NEK7: variants seen among roughly 807,000 people sequenced by gnomAD.
NEK7 encodes the protein NIMA related kinase 7, also known as serine/threonine-protein kinase Nek7.
In NEK7, 18 loss-of-function variants were observed where a neutral mutation model predicts 44.6. That is an observed-to-expected ratio of 0.40 (90% CI 0.28 to 0.60). The LOEUF is 0.60. Among genes scored for constraint, NEK7 ranks in the 20% least tolerant of loss-of-function variants. The probability of loss-of-function intolerance (pLI) is 0.38; values close to 1 mark genes in which losing one functional copy is unlikely to be tolerated. For synonymous variants in NEK7, 130 were observed against 121.1 expected, an observed-to-expected ratio of 1.07 and a Z score of -0.48; for missense variants, 256 against 366.5, an observed-to-expected ratio of 0.70 and a Z score of 2.46.
At chr1:198,274,899 A>G (rs1653967947) in intron 5 of NEK7, among the ~76,000 whole-genome samples, 2 of 151,794 alleles carry the variant, frequency 1.3e-5, no homozygotes, top group African/African-American at 4.8e-5. Flanking sequence ...AGCTTGGATC[A>G]GCTATAGCCC....
chr1:198,189,632 T>A (rs1297174192), intron 1 of NEK7, among the ~76,000 whole-genome samples: 4 of 152,160 alleles, frequency 2.6e-5, no homozygotes, highest in African/African-American at 9.6e-5. Context: ...TGTTAAGGGC[T>A]TTTAAGATGA....
chr1:198,311,392 A>G (rs1655177325), intron 9 of NEK7, among the ~76,000 whole-genome samples: 1 of 152,036 alleles, frequency 6.6e-6, no homozygotes, highest in South Asian at 2.1e-4. Context: ...AACAGGGACA[A>G]TTTGACTTCC....
At chr1:198,258,741 C>G (rs1392514018) in intron 3 of NEK7, among the ~76,000 whole-genome samples, 1 of 152,158 alleles carries the variant, frequency 6.6e-6, no homozygotes, top group African/African-American at 2.4e-5. Context: ...ATCCCTTGCT[C>G]TTACCAAGTA....
chr1:198,200,116 C>G (rs144497001), intron 1 of NEK7, among the ~76,000 whole-genome samples: 122 of 152,244 alleles, frequency 8.0e-4, no homozygotes, highest in Non-Finnish European at 1.5e-3. Context: ...CATCTTTGAC[C>G]TATTAAAACC....
At chr1:198,162,072 G>A (rs1270476666) in intron 1 of NEK7, among the ~76,000 whole-genome samples, 3 of 152,134 alleles carry the variant, frequency 2.0e-5, no homozygotes, top group Non-Finnish European at 4.4e-5. Context: ...CTACAGTCAA[G>A]GTATGTTTGG....
At chr1:198,218,680 C>G (rs1665994638) in intron 1 of NEK7, among the ~76,000 whole-genome samples, 1 of 150,876 alleles carries the variant, frequency 6.6e-6, no homozygotes, top group African/African-American at 2.4e-5. Context: ...CAACAAAGGA[C>G]TGATATGCGG....
chr1:198,271,347 AAT>A (rs2102966851), intron 5 of NEK7, among the ~76,000 whole-genome samples: 1 of 152,096 alleles, frequency 6.6e-6, no homozygotes, highest in South Asian at 2.1e-4. Flanking sequence ...AGGACTTGAG[AAT>A]TTGGGGGAGT....
At chr1:198,213,873 C>T (rs1452877375) in intron 1 of NEK7, among the ~76,000 whole-genome samples, 1 of 152,170 alleles carries the variant, frequency 6.6e-6, no homozygotes, top group Non-Finnish European at 1.5e-5. Context: ...GCATGTCCTA[C>T]TAGCCTGAAG....
chr1:198,310,535 G>C (rs1422267039), intron 9 of NEK7, among the ~76,000 whole-genome samples: 1 of 138,302 alleles, frequency 7.2e-6, no homozygotes, highest in African/African-American at 2.7e-5. Context: ...TGTCCTGAAT[G>C]GTAACGCCTA....
chr1:198,298,370 C>CT (rs1558100710), intron 9 of NEK7, among the ~76,000 whole-genome samples: 1 of 152,050 alleles, frequency 6.6e-6, no homozygotes, highest in Non-Finnish European at 1.5e-5. Context: ...ATTTGTGTTC[C>CT]TAGAATATAA....
chr1:198,315,938 G>A (rs561094256), intron 9 of NEK7, among the ~76,000 whole-genome samples: 1 of 152,294 alleles, frequency 6.6e-6, no homozygotes, highest in Admixed American at 6.5e-5. Flanking sequence ...CATGTTGGTG[G>A]TTATTGAAGG....
At chr1:198,306,915 T>C (rs1655039100) in intron 9 of NEK7, among the ~76,000 whole-genome samples, 1 of 152,130 alleles carries the variant, frequency 6.6e-6, no homozygotes, top group Non-Finnish European at 1.5e-5. Flanking sequence ...TTACATCAAA[T>C]TCAGAATTCA....
chr1:198,165,670 C>T (rs1414208640), intron 1 of NEK7, among the ~76,000 whole-genome samples: 1 of 152,158 alleles, frequency 6.6e-6, no homozygotes, highest in African/African-American at 2.4e-5. Context: ...GTAGATTTAG[C>T]ATAATTCTTA....
rs1452424739 is a variant in NEK7 at position 198,319,440 on chromosome 1, A to G, written c.827A>G (p.Asn276Ser). ...ELRQLVNMCI[N>S]PDPEKRPDVT... Reference sequence around the variant, plus strand: ...CGACAGTTAGTTAATATGTGCATCAACCCAGATCCAGAGAAGCGACCAGAC... The same window carrying G: ...CGACAGTTAGTTAATATGTGCATCAGCCCAGATCCAGAGAAGCGACCAGAC... Residue 276 changes from asparagine to serine, a missense_variant, in exon 10 of 10, where the codon AAC (asparagine) becomes AGC (serine). Coordinates refer to ENST00000367385, the MANE Select transcript of NEK7 (RefSeq NM_133494.3). 3.7e-6 allele frequency: 6 copies of G among 1,612,884 alleles called. No homozygotes were observed. Among genetic ancestry groups the G allele is most frequent in the South Asian group, 1.1e-5 (1 of 90,988 alleles).
In NEK7 at chr1:198,251,152, C is replaced by G. The variant is rs566113424; in HGVS notation, c.58-1888C>G. Among the ~76,000 whole-genome samples the G allele has an allele frequency of 5.3e-3, 809 of 151,900 alleles. 9 individuals are homozygous for G. The highest frequency in any genetic ancestry group is 0.019 in the African/African-American group (766 of 41,382). ...ATTGAGATAATCATGTGGTTTTTGTCTTTGGTTCTGTTTATATGCTGGATT... is the reference window on the plus strand; with the variant it reads ...ATTGAGATAATCATGTGGTTTTTGTGTTTGGTTCTGTTTATATGCTGGATT... On this transcript the variant is annotated intron_variant, in intron 2 of 9. Transcript: ENST00000367385.
Position 198,293,035 on chromosome 1 carries a change from A to G in NEK7, c.680A>G (p.Tyr227Cys). 6.7e-7 allele frequency: 1 copy of G among 1,492,308 alleles called. No homozygotes were observed. Among genetic ancestry groups the G allele is most frequent in the Non-Finnish European group, 9.3e-7 (1 of 1,069,710 alleles). The allele number at this position is 1,492,308 out of a possible 1,614,324, so 92.4% of individuals were successfully genotyped here. A position where few individuals can be genotyped will look rare whatever the true frequency, so the allele number is the denominator to read the frequency against. Reference protein sequence around the residue: ...SDIWSLGCLLYEMAALQSPFY... With the variant: ...SDIWSLGCLLCEMAALQSPFY... ...ATCTGGTCTCTTGGCTGTCTACTATATGAGGTAGGTAATGTTGATAAATTC... is the reference window on the plus strand; with the variant it reads ...ATCTGGTCTCTTGGCTGTCTACTATGTGAGGTAGGTAATGTTGATAAATTC... Residue 227 changes from tyrosine (Y) to cysteine (C), a missense_variant, in exon 8 of 10, where the codon TAT (tyrosine) becomes TGT (cysteine). Transcript: ENST00000367385.
At chr1:198,264,613 G>T (rs1212526293) in intron 5 of NEK7, among the ~76,000 whole-genome samples, 1 of 151,790 alleles carries the variant, frequency 6.6e-6, no homozygotes, top group Non-Finnish European at 1.5e-5. Flanking sequence ...CCTGTTTCTT[G>T]GGGGGGAATC....
At chr1:198,166,757 C>A (rs1257511869) in intron 1 of NEK7, among the ~76,000 whole-genome samples, 1 of 152,096 alleles carries the variant, frequency 6.6e-6, no homozygotes, top group Non-Finnish European at 1.5e-5. Context: ...GATCACAGAC[C>A]ACCATAAAAG....
intron 8 of NEK7, among the ~76,000 whole-genome samples, chr1:198,293,821 G>A (rs1654630219): frequency 6.6e-6 from 1 of 151,776 alleles, no homozygotes; most frequent in African/African-American, 2.4e-5. Context: ...TTTTAATAAA[G>A]TGAGGAAATG....
Sources: allele counts gnomAD v4.1 joint callset (sites outside exome capture counted in the v4.1 genomes callset), GRCh38; gene constraint gnomAD v4.1.1; transcripts MANE v1.5; gene names NCBI Gene and HGNC (gene_info 2026-07-23, HGNC 2026-07-21).